The following AGTPBP1 variants were observed in gnomAD, a reference collection of about 807,000 sequenced individuals.
AGTPBP1 encodes the protein cytosolic carboxypeptidase 1.
A neutral mutation model predicts 143.9 loss-of-function variants in AGTPBP1; 70 were observed. The ratio of observed to expected loss-of-function variants is 0.49; its 90% CI spans 0.40 to 0.59. AGTPBP1 has a LOEUF of 0.59. Ranked by LOEUF, AGTPBP1 falls within the 20% of genes least tolerant of loss-of-function variation. The probability of loss-of-function intolerance (pLI) is 0.00; values close to 1 mark genes in which losing one functional copy is unlikely to be tolerated. For synonymous variants in AGTPBP1, 463 were observed against 500.2 expected, an observed-to-expected ratio of 0.93 and a Z score of 0.99; for missense variants, 1,229 against 1,464.5, an observed-to-expected ratio of 0.84 and a Z score of 2.62.
chr9:85,669,976 A>G (rs533191174), intron 7 of AGTPBP1, among the ~76,000 whole-genome samples: 19 of 152,200 alleles, frequency 1.2e-4, no homozygotes, highest in Non-Finnish European at 2.6e-4. Flanking sequence ...AATAATTACT[A>G]AATTACTTTC....
At chr9:85,720,859 T>C (rs1040188063) in intron 1 of AGTPBP1, among the ~76,000 whole-genome samples, 1 of 152,240 alleles carries the variant, frequency 6.6e-6, no homozygotes, top group African/African-American at 2.4e-5. Flanking sequence ...TTCTGGTACG[T>C]TGTGTCTTTG....
chr9:85,705,705 T>G (rs1836943925), intron 2 of AGTPBP1, among the ~76,000 whole-genome samples: 1 of 152,126 alleles, frequency 6.6e-6, no homozygotes, highest in African/African-American at 2.4e-5. Flanking sequence ...TTTGGGTTTT[T>G]TTTGAGACGG....
chr9:85,550,784 C>T (rs932299843), intron 25 of AGTPBP1, among the ~76,000 whole-genome samples: 3 of 152,180 alleles, frequency 2.0e-5, no homozygotes, highest in African/African-American at 4.8e-5. Flanking sequence ...AACCAAAGTT[C>T]GCTACAAGCA....
At chr9:85,748,932 G>C in the AGTPBP1 span, among the ~76,000 whole-genome samples, 1 of 150,228 alleles carries the variant, frequency 6.7e-6, no homozygotes. Context: ...CTTCTTCAAA[G>C]AGTAGAAGTC....
the AGTPBP1 span, among the ~76,000 whole-genome samples, chr9:85,802,578 TTCTC>T: frequency 0.025 from 3,821 of 152,224 alleles, 37 homozygotes; most frequent in African/African-American, 0.086. Flanking sequence ...TTCACCTCCC[TTCTC>T]TCTTTTTTTC....
the AGTPBP1 span, among the ~76,000 whole-genome samples, chr9:85,790,976 T>G: frequency 6.6e-6 from 1 of 152,166 alleles, no homozygotes; most frequent in Admixed American, 6.5e-5. Flanking sequence ...AGAAAAGGAA[T>G]TATTTTAAAA....
the AGTPBP1 span, among the ~76,000 whole-genome samples, chr9:85,783,115 T>G: frequency 6.6e-6 from 1 of 152,150 alleles, no homozygotes; most frequent in Non-Finnish European, 1.5e-5. Context: ...GTTTAAGAAC[T>G]CTGGATCTTC....
At chr9:85,655,041 A>C in intron 11 of AGTPBP1, 102 bp downstream of exon 11, 1 of 1,030,104 alleles carries the variant, frequency 9.7e-7, no homozygotes, top group Non-Finnish European at 1.4e-6. Context: ...ACGTTAAGTA[A>C]GGCCTTCCTT....
At chr9:85,598,164 TTCTC>T (rs150083382) in intron 17 of AGTPBP1, among the ~76,000 whole-genome samples, 3 of 150,824 alleles carry the variant, frequency 2.0e-5, no homozygotes, top group African/African-American at 4.8e-5. Context: ...CTTTTGGTAT[TTCTC>T]TCTCTCTCTC....
intron 14 of AGTPBP1, among the ~76,000 whole-genome samples, chr9:85,625,667 C>G (rs1048403199): frequency 1.3e-5 from 2 of 151,666 alleles, no homozygotes; most frequent in Admixed American, 6.6e-5. Flanking sequence ...GGGCAGAACA[C>G]GATGGCAGGA....
At chr9:85,740,027 CAAATTACA>C (rs1824137666) in intron 1 of AGTPBP1, among the ~76,000 whole-genome samples, 1 of 150,714 alleles carries the variant, frequency 6.6e-6, no homozygotes, top group African/African-American at 2.4e-5. Flanking sequence ...AAGTAAAATA[CAAATTACA>C]AAATTTCATA....
At chr9:85,676,029 TA>T (rs111328695) in intron 6 of AGTPBP1, among the ~76,000 whole-genome samples, 1 of 150,540 alleles carries the variant, frequency 6.6e-6, no homozygotes, top group South Asian at 2.1e-4. Flanking sequence ...GTCTCAAAAA[TA>T]AAAAAAAACA....
intron 25 of AGTPBP1, among the ~76,000 whole-genome samples, chr9:85,575,022 T>A (rs1000152120): frequency 6.6e-6 from 1 of 152,190 alleles, no homozygotes; most frequent in African/African-American, 2.4e-5. Context: ...TAAGCCCTCT[T>A]AACTTAGATA....
chr9:85,571,284 C>T (rs796961807), intron 25 of AGTPBP1, among the ~76,000 whole-genome samples: 16 of 152,178 alleles, frequency 1.1e-4, no homozygotes, highest in African/African-American at 3.9e-4. Context: ...TTGATGATTC[C>T]AACCCTGAGA....
At chr9:85,788,749 C>G in the AGTPBP1 span, among the ~76,000 whole-genome samples, 1 of 149,470 alleles carries the variant, frequency 6.7e-6, no homozygotes, top group Non-Finnish European at 1.5e-5. Flanking sequence ...GATTTTATAT[C>G]ATGATATATC....
chr9:85,756,965 A>G, the AGTPBP1 span, among the ~76,000 whole-genome samples: 3 of 151,708 alleles, frequency 2.0e-5, no homozygotes, highest in Non-Finnish European at 4.4e-5. Context: ...GGGCGGGGGA[A>G]ATAGAATGCC....
At chr9:85,547,512 AAT>A (rs1024897516) in intron 25 of AGTPBP1, among the ~76,000 whole-genome samples, 1 of 152,226 alleles carries the variant, frequency 6.6e-6, no homozygotes, top group African/African-American at 2.4e-5. Context: ...CAAGAGTATC[AAT>A]ATATATCCTA....
At chr9:85,715,804 T>TTCA (rs1292231275) in intron 1 of AGTPBP1, among the ~76,000 whole-genome samples, 2 of 152,190 alleles carry the variant, frequency 1.3e-5, no homozygotes, top group Non-Finnish European at 2.9e-5. Flanking sequence ...AGTGTTGCAT[T>TTCA]TCACCAAGTT....
intron 20 of AGTPBP1, among the ~76,000 whole-genome samples, chr9:85,588,882 C>T (rs1431624844): frequency 6.6e-6 from 1 of 152,052 alleles, no homozygotes; most frequent in Non-Finnish European, 1.5e-5. Context: ...CCCTGTCTTA[C>T]AGTTGCTCTG....
Sources: gnomAD v4.1 joint callset for allele counts (sites outside exome capture counted in the v4.1 genomes callset) on GRCh38, gnomAD v4.1.1 for gene constraint, MANE v1.5 for transcripts, NCBI Gene and HGNC (gene_info 2026-07-23, HGNC 2026-07-21) for gene names.